ERAP2: variants seen among roughly 807,000 people sequenced by gnomAD.
The protein encoded by ERAP2 is endoplasmic reticulum aminopeptidase 2.
Under a neutral mutation model 111.1 loss-of-function variants are expected in ERAP2, and 118 were observed. The observed-to-expected ratio is 1.06, with a 90% CI of 0.92 to 1.24. The LOEUF (loss-of-function observed/expected upper bound fraction) is 1.24, where lower values mean the gene tolerates loss of function less well. Among genes scored for constraint, ERAP2 ranks in the 50% most tolerant of loss-of-function variants. ERAP2 has a pLI of 0.00. For missense variants in ERAP2, 1,131 were observed against 1,125.8 expected (o/e 1.00, Z -0.07); for synonymous variants, 410 against 401.2 (o/e 1.02, Z -0.26).
chr5:96,917,356 A>G, intron 18 of ERAP2, 106 bp from the exon 19 acceptor site: 1 of 1,027,056 alleles, frequency 9.7e-7, no homozygotes, highest in Non-Finnish European at 1.4e-6. Flanking sequence ...CCTGAGCTCA[A>G]TTGATCTGCC....
chr5:96,899,027 A>AG (rs1329883934), intron 9 of ERAP2, among the ~76,000 whole-genome samples: 1 of 152,342 alleles, frequency 6.6e-6, no homozygotes, highest in Admixed American at 6.5e-5. Flanking sequence ...GGAGTTAAAA[A>AG]GAAAATTTGG....
At chr5:96,902,400 CAT>C (rs1581871170) in intron 12 of ERAP2, 47 bp downstream of exon 12, 32 of 1,194,074 alleles carry the variant, frequency 2.7e-5, no homozygotes, top group Non-Finnish European at 3.9e-5. Flanking sequence ...GGAAATTAAA[CAT>C]GTGTTGAGCT....
At chr5:96,886,484 T>C (rs1293515268) in intron 3 of ERAP2, among the ~76,000 whole-genome samples, 171 bp from the exon 4 acceptor site, 1 of 152,138 alleles carries the variant, frequency 6.6e-6, no homozygotes, top group African/African-American at 2.4e-5. Flanking sequence ...GTAAAAGCAA[T>C]GGAGGTAAGA....
chr5:96,896,335 A>T (rs372954730), intron 7 of ERAP2, 38 bp from the exon 8 acceptor site: 11 of 1,553,014 alleles, frequency 7.1e-6, no homozygotes, highest in Non-Finnish European at 9.7e-6. Context: ...TACAGTGTCA[A>T]ATAGAAACTA....
chr5:96,898,298 T>G (rs904217152), intron 9 of ERAP2, among the ~76,000 whole-genome samples: 2 of 152,116 alleles, frequency 1.3e-5, no homozygotes, highest in East Asian at 3.8e-4. Flanking sequence ...TTTTGTGCCC[T>G]TATAAAGCAC....
chr5:96,899,303 T>TAGGA (rs1581858808), intron 9 of ERAP2, among the ~76,000 whole-genome samples: 1 of 152,074 alleles, frequency 6.6e-6, no homozygotes, highest in East Asian at 1.9e-4. Flanking sequence ...CCATCAATCT[T>TAGGA]CCCCTAAAGG....
chr5:96,882,199 T>C (rs531532001), intron 2 of ERAP2, among the ~76,000 whole-genome samples: 9 of 152,366 alleles, frequency 5.9e-5, no homozygotes, highest in Non-Finnish European at 4.4e-5. Context: ...TGTCAACTTC[T>C]TCTCACTAAG....
At position 96,909,658 on chromosome 5, in the gene ERAP2, C is replaced by T. The variant is rs1239280169; in HGVS notation, c.2248C>T (p.Leu750Phe). 3 of 1,614,066 alleles carry T rather than the reference C, an allele frequency of 1.9e-6. No individual in the cohort carries two copies. The highest frequency in any genetic ancestry group is 2.7e-5 in the African/African-American group (2 of 74,928). Residue 750 changes from leucine to phenylalanine, a missense_variant, in exon 15 of 19, where the codon CTC becomes TTC. Transcript: ENST00000437043. ...SDKGSVWDRM[L>F]RSALLKLACD... ...CAAGGGCTCAGTCTGGGACAGGATGCTCCGCTCGGCTCTCTTGAAGCTGGC... is the reference window on the plus strand; with the variant it reads ...CAAGGGCTCAGTCTGGGACAGGATGTTCCGCTCGGCTCTCTTGAAGCTGGC...
At chr5:96,890,887 C>G (rs1030363071) in intron 5 of ERAP2, among the ~76,000 whole-genome samples, 2 of 152,074 alleles carry the variant, frequency 1.3e-5, no homozygotes, top group Admixed American at 6.5e-5. Flanking sequence ...TAACAGCCAT[C>G]AACAATATTA....
chr5:96,882,038 G>A (rs1283807889), intron 2 of ERAP2, among the ~76,000 whole-genome samples: 3 of 152,108 alleles, frequency 2.0e-5, no homozygotes, highest in African/African-American at 7.2e-5. Context: ...CCCCACTTGG[G>A]TGCTCACTGC....
At chr5:96,899,695 CT>C (rs1341426892) in intron 9 of ERAP2, among the ~76,000 whole-genome samples, 2 of 152,192 alleles carry the variant, frequency 1.3e-5, no homozygotes, top group Non-Finnish European at 2.9e-5. Context: ...GTTTCCCCTA[CT>C]GTCAAAGAAC....
intron 8 of ERAP2, 39 bp downstream of exon 8, chr5:96,896,543 G>T (rs1784874760): frequency 1.9e-6 from 3 of 1,559,040 alleles, no homozygotes; most frequent in Non-Finnish European, 2.6e-6. Context: ...TCTGCTTTCA[G>T]AAGTGTAATA....
chr5:96,898,572 CAAAAAAAA>C (rs770783071), intron 9 of ERAP2, among the ~76,000 whole-genome samples: 18 of 94,452 alleles, frequency 1.9e-4, no homozygotes, highest in African/African-American at 6.4e-4. Flanking sequence ...TACTAAAATA[CAAAAAAAA>C]AAAAAAAAAA....
At chr5:96,878,968 A>G (rs553071378) in intron 1 of ERAP2, among the ~76,000 whole-genome samples, 1 of 152,268 alleles carries the variant, frequency 6.6e-6, no homozygotes, top group African/African-American at 2.4e-5. Flanking sequence ...GGCTGGTCAC[A>G]GTGGCTCACG....
chr5:96,879,905 A>T lies in ERAP2; in HGVS notation c.220A>T (p.Ile74Phe). The change falls in exon 2 of 19, where the codon ATT (isoleucine) becomes TTT (phenylalanine). Residue 74 changes from isoleucine (I) to phenylalanine (F), a missense_variant. Physicochemically the swap from Ile to Phe is conservative, Grantham distance 21. Coordinates refer to ENST00000437043, the MANE Select transcript of ERAP2 (RefSeq NM_022350.5). ...WQELRLPSVV[I>F]PLHYDLFVHP... ...GGAGCTAAGGCTCCCCAGTGTGGTC[A>T]TTCCTCTCCATTATGACCTCTTTGT... The T allele has an allele frequency of 1.2e-6, 2 of 1,614,134 alleles. No individual in the cohort carries two copies. The highest frequency in any genetic ancestry group is 1.7e-6 in the Non-Finnish European group (2 of 1,180,022).
At chr5:96,907,609 A>G (rs1399474051) in intron 13 of ERAP2, among the ~76,000 whole-genome samples, 1 of 151,166 alleles carries the variant, frequency 6.6e-6, no homozygotes, top group Non-Finnish European at 1.5e-5. Context: ...TAGCCGGGCC[A>G]GGTGGCTCAT....
At chr5:96,897,207 T>C (rs1784969571) in intron 9 of ERAP2, among the ~76,000 whole-genome samples, 1 of 152,220 alleles carries the variant, frequency 6.6e-6, no homozygotes, top group African/African-American at 2.4e-5. Context: ...TTGTCAACTG[T>C]ATTCCCCAAT....
chr5:96,909,893 CCT>C (rs1786523031), intron 15 of ERAP2, 129 bp downstream of exon 15: 2 of 865,952 alleles, frequency 2.3e-6, no homozygotes, highest in African/African-American at 1.7e-5. Context: ...CATTACAAAC[CCT>C]GTTTCATGCT....
chr5:96,877,962 CTTG>C (rs1164394430), intron 1 of ERAP2, among the ~76,000 whole-genome samples: 1 of 152,112 alleles, frequency 6.6e-6, no homozygotes, highest in Non-Finnish European at 1.5e-5. Flanking sequence ...TGCTGCAGAA[CTTG>C]TTAAGGATTA....
Sources: gnomAD v4.1 joint callset for allele counts (sites outside exome capture counted in the v4.1 genomes callset) on GRCh38, gnomAD v4.1.1 for gene constraint, MANE v1.5 for transcripts, NCBI Gene and HGNC (gene_info 2026-07-23, HGNC 2026-07-21) for gene names.